NFATC1: variants seen among roughly 807,000 people sequenced by gnomAD.
NFATC1 encodes nuclear factor of activated T cells 1.
NFATC1 carries 22 observed loss-of-function variants against 76.0 expected under a neutral mutation model. That is an observed-to-expected ratio of 0.29 (90% CI 0.21 to 0.41). NFATC1 has a LOEUF of 0.41. Ranked by LOEUF, NFATC1 falls within the 10% of genes least tolerant of loss-of-function variation. The probability of loss-of-function intolerance (pLI) is 1.00; values close to 1 mark genes in which losing one functional copy is unlikely to be tolerated. For synonymous variants in NFATC1, 704 were observed against 613.1 expected, an observed-to-expected ratio of 1.15 and a Z score of -2.19; for missense variants, 1,357 against 1,337.7, an observed-to-expected ratio of 1.01 and a Z score of -0.23.
intron 6 of NFATC1, among the ~76,000 whole-genome samples, chr18:79,459,717 C>T (rs886683634): frequency 6.6e-6 from 1 of 152,068 alleles, no homozygotes; most frequent in Non-Finnish European, 1.5e-5. Flanking sequence ...GTGGACGGGG[C>T]CTCACCCCAA....
intron 8 of NFATC1, among the ~76,000 whole-genome samples, chr18:79,478,078 C>G (rs111354805): frequency 6.8e-6 from 1 of 146,080 alleles, no homozygotes; most frequent in Non-Finnish European, 1.5e-5. Context: ...CCCCTGCCCC[C>G]CTGCCTGCCC....
intron 2 of NFATC1, among the ~76,000 whole-genome samples, chr18:79,427,681 G>A (rs2086420762): frequency 8.6e-6 from 1 of 116,816 alleles, no homozygotes; most frequent in Non-Finnish European, 1.8e-5. Flanking sequence ...TGTGGGGGCT[G>A]GATGGCTGGC....
chr18:79,474,866 G>A (rs1247901081), intron 8 of NFATC1, among the ~76,000 whole-genome samples: 3 of 145,114 alleles, frequency 2.1e-5, no homozygotes, highest in African/African-American at 5.3e-5. Flanking sequence ...TGAGGGAAGC[G>A]TGTTCTCACG....
At chr18:79,462,843 A>C in intron 7 of NFATC1, among the ~76,000 whole-genome samples, 1 of 151,954 alleles carries the variant, frequency 6.6e-6, no homozygotes, top group African/African-American at 2.4e-5. Flanking sequence ...AGTCTTGTGC[A>C]CCCACTCAGT....
At chr18:79,514,740 C>A (rs1233606085) in intron 9 of NFATC1, among the ~76,000 whole-genome samples, 2 of 151,940 alleles carry the variant, frequency 1.3e-5, no homozygotes, top group African/African-American at 4.8e-5. Context: ...AGTTGAAAGT[C>A]ACATTTTAGT....
intron 2 of NFATC1, among the ~76,000 whole-genome samples, chr18:79,420,652 G>A (rs1169883467): frequency 1.3e-5 from 2 of 151,316 alleles, no homozygotes; most frequent in East Asian, 2.0e-4. Flanking sequence ...AGGCAAGGTC[G>A]CTGCAGAGAG....
intron 2 of NFATC1, among the ~76,000 whole-genome samples, chr18:79,433,160 G>T (rs1048374547): frequency 1.3e-5 from 2 of 152,168 alleles, no homozygotes; most frequent in Non-Finnish European, 2.9e-5. Context: ...TTTATAAAGG[G>T]CCCAGTCAGT....
intron 1 of NFATC1, among the ~76,000 whole-genome samples, chr18:79,396,801 C>T (rs985574508): frequency 6.6e-6 from 1 of 151,718 alleles, no homozygotes; most frequent in Non-Finnish European, 1.5e-5. Flanking sequence ...TTCTGCGCCC[C>T]CCACCCCCAC....
intron 7 of NFATC1, among the ~76,000 whole-genome samples, chr18:79,462,366 C>T (rs56934736): frequency 0.072 from 10,973 of 152,152 alleles, 1,271 homozygotes; most frequent in African/African-American, 0.24. Context: ...AACAGAGTTT[C>T]GTTCTTGTTG....
intron 3 of NFATC1, among the ~76,000 whole-genome samples, chr18:79,439,105 G>A (rs7235659): frequency 0.027 from 4,168 of 152,248 alleles, 173 homozygotes; most frequent in African/African-American, 0.096. Flanking sequence ...CTGAGAGCCC[G>A]TGAATACCGT....
rs773783191 is a variant in NFATC1, at chr18:79,487,728, G to T, written c.2782+791G>T. On this transcript the variant is annotated intron_variant, in intron 9 of 9. Transcript: ENST00000427363. ...CGCAGCCCGACTTGCTTGCAGTCGCGCTGTGATCGGGGCGTGCCCGTGGCC... is the reference window on the plus strand; with the variant it reads ...CGCAGCCCGACTTGCTTGCAGTCGCTCTGTGATCGGGGCGTGCCCGTGGCC... 2.0e-5 allele frequency among the ~76,000 whole-genome samples: 3 copies of T among 152,328 alleles called. No homozygotes were observed. The East Asian group carries it at 5.8e-4, about 29-fold the overall frequency.
At chr18:79,461,732 A>G (rs1243193163) in intron 7 of NFATC1, among the ~76,000 whole-genome samples, 1 of 152,154 alleles carries the variant, frequency 6.6e-6, no homozygotes, top group Non-Finnish European at 1.5e-5. Flanking sequence ...ATCACCTGGC[A>G]CAGAGCAGGC....
intron 7 of NFATC1, among the ~76,000 whole-genome samples, chr18:79,462,699 G>A (rs534507350): frequency 6.6e-6 from 1 of 152,136 alleles, no homozygotes; most frequent in South Asian, 2.1e-4. Flanking sequence ...AAATCTCTAG[G>A]CCAACATAAG....
At chr18:79,495,096 CGG>C (rs1167619061) in intron 9 of NFATC1, among the ~76,000 whole-genome samples, 3 of 152,244 alleles carry the variant, frequency 2.0e-5, no homozygotes, top group Non-Finnish European at 2.9e-5. Flanking sequence ...GGCACTGAGA[CGG>C]GTGCTGAACA....
chr18:79,442,248 A>G (rs944183349), intron 3 of NFATC1, among the ~76,000 whole-genome samples: 4 of 152,158 alleles, frequency 2.6e-5, no homozygotes, highest in Non-Finnish European at 5.9e-5. Flanking sequence ...ACGTGTGGAG[A>G]CTGGCACGTG....
chr18:79,459,642 G>T (rs2087950570), intron 6 of NFATC1, among the ~76,000 whole-genome samples: 1 of 152,190 alleles, frequency 6.6e-6, no homozygotes, highest in Non-Finnish European at 1.5e-5. Flanking sequence ...TCCTGGGCTG[G>T]GCGGGAAGCA....
At chr18:79,473,766 TCA>T (rs1569004962) in intron 8 of NFATC1, among the ~76,000 whole-genome samples, 1 of 142,890 alleles carries the variant, frequency 7.0e-6, no homozygotes, top group Non-Finnish European at 1.5e-5. Context: ...AAGTGTATTC[TCA>T]CGCTGTCGAC....
At position 79,410,225 on chromosome 18, in the gene NFATC1, C is replaced by A; in HGVS notation, c.128-178C>A. On this transcript the variant is annotated intron_variant, in intron 1 of 9. Transcript: ENST00000427363. The surrounding 1 kb of genome is among the most constrained non-coding windows in gnomAD (Gnocchi z 6.7). ...CCTTGTTGGCCAGGTGGGACTGGGG[C>A]TGTCACTCCAAGTCGCCCGGAGCTG... 2.0e-6 allele frequency: 2 copies of A among 990,090 alleles called. No homozygotes were observed. The highest frequency in any genetic ancestry group is 3.1e-6 in the Non-Finnish European group (2 of 652,952). 61.3% of individuals were successfully genotyped at this position (990,090 alleles called of 1,614,324 possible). A position where few individuals can be genotyped will look rare whatever the true frequency, so the allele number is the denominator to read the frequency against.
intron 8 of NFATC1, among the ~76,000 whole-genome samples, chr18:79,472,862 G>T (rs891629966): frequency 6.6e-6 from 1 of 152,224 alleles, no homozygotes; most frequent in African/African-American, 2.4e-5. Context: ...TCCATGTGTC[G>T]GCTGTGGGCA....
Sources: gnomAD v4.1 joint callset for allele counts (sites outside exome capture counted in the v4.1 genomes callset) on GRCh38, gnomAD v4.1.1 for gene constraint, Gnocchi (gnomAD v3.1) non-coding constraint, MANE v1.5 for transcripts, NCBI Gene and HGNC (gene_info 2026-07-23, HGNC 2026-07-21) for gene names.